ZNF350: variants seen among roughly 807,000 people sequenced by gnomAD.
ZNF350 encodes KRAB zinc finger protein ZFQR.
In ZNF350, 5 loss-of-function variants were observed where a neutral mutation model predicts 13.1. That is an observed-to-expected ratio of 0.38 (90% confidence interval 0.20 to 0.80). ZNF350 has a LOEUF of 0.80. Ranked by LOEUF, ZNF350 falls within the 30% of genes least tolerant of loss-of-function variation. The pLI, the probability that ZNF350 is intolerant of heterozygous loss-of-function variation, is 0.43. For missense variants in ZNF350, 534 were observed against 644.2 expected (o/e 0.83, Z 1.85); for synonymous variants, 199 against 224.2 (o/e 0.89, Z 1.00).
chr19:51,971,812 G>A (rs1454307295), intron 2 of ZNF350, among the ~76,000 whole-genome samples: 1 of 152,130 alleles, frequency 6.6e-6, no homozygotes, highest in Admixed American at 6.5e-5. Flanking sequence ...ACCCCACTGT[G>A]TTCAGTCCCC....
chr19:51,968,323 G>A (rs1256067447), intron 4 of ZNF350, among the ~76,000 whole-genome samples: 2 of 152,138 alleles, frequency 1.3e-5, no homozygotes, highest in East Asian at 1.9e-4. Flanking sequence ...TGAAACCCGA[G>A]GAAGAAGAAA....
Position 51,968,642 on chromosome 19 carries a change from GAAGAGTGCA to G in ZNF350, c.165_173del (p.Ala56_Phe58del). The G allele has an allele frequency of 6.2e-7, 1 of 1,614,070 alleles. No homozygotes were observed. The highest frequency in any genetic ancestry group is 1.1e-5 in the South Asian group (1 of 91,082). ...ACAGTTGTTCTCCTTGTTCCAACTT[GAAGAGTGCA>G]TCCGGTTTGCTGGCTTGATACCCTG... On this transcript the variant is annotated inframe_deletion, in exon 4 of 5. Coordinates refer to ENST00000243644, the MANE Select transcript of ZNF350 (RefSeq NM_021632.4).
intron 4 of ZNF350, 168 bp downstream of exon 4, chr19:51,968,406 TTTTG>T (rs2085636604): frequency 1.6e-6 from 1 of 630,266 alleles, no homozygotes; most frequent in Non-Finnish European, 2.8e-6. Flanking sequence ...TTTTGTTTTG[TTTTG>T]TTTTTTTTTA....
rs1217672898 is a variant in ZNF350 at position 51,965,721 on chromosome 19, G to A, written c.732C>T (p.Ser244=). ...GATGTTCAGTAAGCATGAACTTTCT[G>A]GAGAAGGCTTTCTCACATAGACTAC... ...HRCSLCEKAF[S]RKFMLTEHQR... The change falls in exon 5 of 5, where the codon TCC becomes TCT. Residue 244 remains serine, a synonymous_variant. Transcript: ENST00000243644. The A allele has an allele frequency of 1.2e-6, 2 of 1,613,966 alleles. No homozygotes were observed. The highest frequency in any genetic ancestry group is 2.7e-5 in the African/African-American group (2 of 74,894).
At position 51,968,577 on chromosome 19, in the gene ZNF350, C is replaced by T. The variant is rs1272759337; in HGVS notation, c.238+1G>A. 1 of 1,613,830 alleles carries T rather than the reference C, an allele frequency of 6.2e-7. No individual in the cohort carries two copies. Among genetic ancestry groups the T allele is most frequent in the Non-Finnish European group, 8.5e-7 (1 of 1,179,880 alleles). On this transcript the variant is annotated splice_donor_variant, in intron 4 of 4. Transcript: ENST00000243644. LOFTEE classifies it high-confidence loss of function. ...GCCTTCTGTCTTGTGGGTTCTCTCA[C>T]CTGAACAGGCTCCACTGTGGATTCC...
Position 51,968,655 on chromosome 19 carries a change from GGTTTGCTGGCTTGATACCCT to G in ZNF350, c.143-2_160del. The G allele has an allele frequency of 6.2e-7, 1 of 1,614,062 alleles. No homozygotes were observed. The highest frequency in any genetic ancestry group is 1.1e-5 in the South Asian group (1 of 91,080). On this transcript the variant is annotated splice_acceptor_variant and coding_sequence_variant, in exon 4 of 5. Transcript: ENST00000243644. LOFTEE classifies it high-confidence loss of function. ...TTGTTCCAACTTGAAGAGTGCATCC[GGTTTGCTGGCTTGATACCCT>G]GTTCATGGAAAATGATAGAGGACTT...
chr19:51,966,251 T>C lies in ZNF350; in HGVS notation c.239-37A>G, dbSNP rs765811444. 4.6e-6 allele frequency: 7 copies of C among 1,523,226 alleles called. No homozygotes were observed. The South Asian group carries it at 9.3e-5, about 20-fold the overall frequency. The allele number at this position is 1,523,226 out of a possible 1,614,324, so 94.4% of individuals were successfully genotyped here. On this transcript the variant is annotated intron_variant, in intron 4 of 4. Coordinates refer to ENST00000243644, the MANE Select transcript of ZNF350 (RefSeq NM_021632.4). ...AGAACAAAGATTTCTATCATTTAGA[T>C]TTGGGGTAAAAGTTTGTTGTGGTTT...
intron 1 of ZNF350, among the ~76,000 whole-genome samples, chr19:51,978,319 G>C (rs969066677): frequency 6.6e-6 from 1 of 152,078 alleles, no homozygotes; most frequent in Middle Eastern, 3.2e-3. Context: ...GGGTATTTGG[G>C]GACCTTTACC....
At chr19:51,978,114 T>C (rs931282377) in intron 1 of ZNF350, among the ~76,000 whole-genome samples, 3 of 152,080 alleles carry the variant, frequency 2.0e-5, no homozygotes, top group Non-Finnish European at 2.9e-5. Flanking sequence ...TGGCACCCCA[T>C]TGGTAAATGA....
In ZNF350 at chr19:51,976,921, C is replaced by T. The variant is rs2085911583; in HGVS notation, c.-171-2390G>A. 6.6e-6 allele frequency: 1 copy of T among 152,114 alleles called. No individual in the cohort carries two copies. The highest frequency in any genetic ancestry group is 2.1e-4 in the South Asian group (1 of 4,830). The allele number at this position is 152,114 out of a possible 1,614,324, so 9.4% of individuals were successfully genotyped here. Reference sequence around the variant, plus strand: ...GAGTTTAGTTCGTACTGTACTTCTGCCATTATCTCATTATTATTCTGCAGG... The same window carrying T: ...GAGTTTAGTTCGTACTGTACTTCTGTCATTATCTCATTATTATTCTGCAGG... On this transcript the variant is annotated intron_variant, in intron 1 of 4. Coordinates refer to ENST00000243644, the MANE Select transcript of ZNF350 (RefSeq NM_021632.4). This position sits in a 1 kb window ranked among gnomAD's most constrained non-coding sequence, Gnocchi z 4.5.
rs2085686465 is a variant in ZNF350 at position 51,969,915 on chromosome 19, TG to T, written c.16-785del. 2.0e-5 allele frequency among the ~76,000 whole-genome samples: 3 copies of T among 152,292 alleles called. No individual in the cohort carries two copies. The South Asian group carries it at 6.2e-4, about 32-fold the overall frequency. ...CATATACATTTCTGTTTTTTTGAAATGGAGACTCACTCTCTTTCCCAGGCTG... is the reference window on the plus strand; with the variant it reads ...CATATACATTTCTGTTTTTTTGAAATGAGACTCACTCTCTTTCCCAGGCTG... On this transcript the variant is annotated intron_variant, in intron 2 of 4. Coordinates refer to ENST00000243644, the MANE Select transcript of ZNF350 (RefSeq NM_021632.4).
intron 1 of ZNF350, chr19:51,984,213 T>C (rs1020673206): frequency 6.8e-6 from 1 of 147,894 alleles, no homozygotes; most frequent in Non-Finnish European, 1.5e-5. Flanking sequence ...CAATAAATGG[T>C]ACTGGGGATG....
At chr19:51,982,337 T>G (rs1451455413) in intron 1 of ZNF350, among the ~76,000 whole-genome samples, 1 of 151,952 alleles carries the variant, frequency 6.6e-6, no homozygotes, top group Non-Finnish European at 1.5e-5. Flanking sequence ...TAAAACCTGT[T>G]TCTAACAAAA....
intron 2 of ZNF350, among the ~76,000 whole-genome samples, chr19:51,969,970 G>A (rs2085688095): frequency 6.6e-6 from 1 of 151,924 alleles, no homozygotes; most frequent in Admixed American, 6.6e-5. Flanking sequence ...TCAGCTCACT[G>A]CAACCTCCGC....
At chr19:51,983,274 A>G (rs1027094569) in intron 1 of ZNF350, among the ~76,000 whole-genome samples, 3 of 152,208 alleles carry the variant, frequency 2.0e-5, no homozygotes, top group Non-Finnish European at 2.9e-5. Context: ...ACCTCTGCCC[A>G]AGAAAGCCTG....
intron 1 of ZNF350, among the ~76,000 whole-genome samples, chr19:51,985,168 A>C (rs901377424): frequency 2.0e-5 from 3 of 152,202 alleles, no homozygotes; most frequent in African/African-American, 7.2e-5. Context: ...ATAAATGTAG[A>C]AAAATTAACA....
At position 51,965,438 on chromosome 19, in the gene ZNF350, A is replaced by G; in HGVS notation, c.1015T>C (p.Phe339Leu). ...ACAAAGGGCGTCTTTCCTGTGTGAA[A>G]TCTCTGATGTGCTATGAGACACGTC... is the stretch of plus-strand genomic sequence containing the variant. Reference protein sequence around the residue: ...QKTCLIAHQRFHTGKTPFVCS... With the variant: ...QKTCLIAHQRLHTGKTPFVCS... Residue 339 changes from phenylalanine (F) to leucine (L), a missense_variant, in exon 5 of 5, where the codon TTT becomes CTT. Coordinates refer to ENST00000243644, the MANE Select transcript of ZNF350 (RefSeq NM_021632.4). 1.2e-6 allele frequency: 2 copies of G among 1,613,592 alleles called. No individual in the cohort carries two copies. The highest frequency in any genetic ancestry group is 1.1e-5 in the South Asian group (1 of 91,036).
At chr19:51,973,424 T>C (rs2085802421) in intron 2 of ZNF350, 1 of 152,150 alleles carries the variant, frequency 6.6e-6, no homozygotes, top group Non-Finnish European at 1.5e-5. Flanking sequence ...ATTTTTAGGC[T>C]GTCCAGTGGC....
At position 51,964,501 on chromosome 19, in the gene ZNF350, C is replaced by T; in HGVS notation, c.*353G>A. ...TGACACATATGTGTCCCACATTCCA[C>T]CATTACAGTATTAGCCCTTTCCCAC... On this transcript the variant is annotated 3_prime_UTR_variant, in exon 5 of 5. Transcript: ENST00000243644. 2 of 262,572 alleles carry T rather than the reference C, an allele frequency of 7.6e-6. No individual in the cohort carries two copies. Among genetic ancestry groups the T allele is most frequent in the Non-Finnish European group, 1.4e-5 (2 of 137,996 alleles). 16.3% of individuals were successfully genotyped at this position (262,572 alleles called of 1,614,324 possible). A position where few individuals can be genotyped will look rare whatever the true frequency, so the allele number is the denominator to read the frequency against.
Sources: gnomAD v4.1 joint callset for allele counts (sites outside exome capture counted in the v4.1 genomes callset) on GRCh38, gnomAD v4.1.1 for gene constraint, Gnocchi (gnomAD v3.1) non-coding constraint, MANE v1.5 for transcripts, NCBI Gene and HGNC (gene_info 2026-07-23, HGNC 2026-07-21) for gene names.